TTLL6: variants seen among roughly 807,000 people sequenced by gnomAD.
TTLL6 encodes tubulin polyglutamylase TTLL6.
Under a neutral mutation model 96.4 loss-of-function variants are expected in TTLL6, and 75 were observed. The ratio of observed to expected loss-of-function variants is 0.78; its 90% CI spans 0.65 to 0.94. TTLL6 has a LOEUF of 0.94. Among genes scored for constraint, TTLL6 ranks in the 40% least tolerant of loss-of-function variants. The pLI, the probability that TTLL6 is intolerant of heterozygous loss-of-function variation, is 0.00. For synonymous variants in TTLL6, 411 were observed against 419.4 expected, an observed-to-expected ratio of 0.98 and a Z score of 0.24; for missense variants, 1,030 against 1,093.0, an observed-to-expected ratio of 0.94 and a Z score of 0.81.
At position 48,769,607 on chromosome 17, in the gene TTLL6, C is replaced by T. The variant is rs1037839951; in HGVS notation, c.2410+121G>A. ...TGTCTCCACCATCAGACTGGGGTTT[C>T]CCTGAAGACAGGGGCTGTCCCCCCT... On this transcript the variant is annotated intron_variant, in intron 14 of 15. Transcript: ENST00000393382. The T allele has an allele frequency of 5.6e-6, 7 of 1,259,288 alleles. No individual in the cohort carries two copies. The African/African-American group carries it at 6.0e-5, about 11-fold the overall frequency. The allele number at this position is 1,259,288 out of a possible 1,614,324, so 78.0% of individuals were successfully genotyped here.
chr17:48,768,425 C>A (rs891714525), intron 15 of TTLL6, among the ~76,000 whole-genome samples: 1 of 152,192 alleles, frequency 6.6e-6, no homozygotes, highest in African/African-American at 2.4e-5. Context: ...CGGGTGCCAC[C>A]ATGCCCAGCT....
chr17:48,769,036 A>G lies in TTLL6; in HGVS notation c.2629T>C (p.Tyr877His), dbSNP rs1419587784. 5.0e-6 allele frequency: 8 copies of G among 1,614,052 alleles called. No homozygotes were observed. The highest frequency in any genetic ancestry group is 6.8e-6 in the Non-Finnish European group (8 of 1,180,034). ...RDPCMQDQEAYSHCLISGQKG... is the reference protein window; with the variant it reads ...RDPCMQDQEAHSHCLISGQKG... ...TGGCCAGAGATCAGGCAATGGCTGT[A>G]TGCTTCTTGATCCTGCATACATGGG... is the stretch of plus-strand genomic sequence containing the variant. Residue 877 changes from tyrosine to histidine, a missense_variant, in exon 15 of 16, where the codon TAC becomes CAC. Physicochemically the swap from Tyr to His is moderately conservative, Grantham distance 83. Transcript: ENST00000393382.
intron 8 of TTLL6, chr17:48,794,097 GGA>G (rs2039277123): frequency 8.4e-6 from 13 of 1,549,934 alleles, no homozygotes; most frequent in Non-Finnish European, 1.1e-5. Flanking sequence ...GGCTGCTCCA[GGA>G]GAGAGTGGAT....
intron 8 of TTLL6, 114 bp from the exon 9 acceptor site, chr17:48,791,717 G>A (rs111682954): frequency 2.3e-6 from 2 of 865,654 alleles, no homozygotes; most frequent in Non-Finnish European, 3.6e-6. Context: ...AGCCAGCGAG[G>A]ATGAACGCCC....
At chr17:48,763,584 G>A (rs1303291941) in intron 15 of TTLL6, among the ~76,000 whole-genome samples, 6 of 152,046 alleles carry the variant, frequency 3.9e-5, no homozygotes, top group Non-Finnish European at 8.8e-5. Flanking sequence ...ATCACTTGAG[G>A]TCAAGAATTT....
chr17:48,801,074 A>C (rs2039402996), intron 5 of TTLL6, among the ~76,000 whole-genome samples, 181 bp downstream of exon 5: 1 of 152,220 alleles, frequency 6.6e-6, no homozygotes, highest in East Asian at 1.9e-4. Flanking sequence ...CTAATTTTAC[A>C]GGCAGAGCCT....
At chr17:48,813,316 G>A (rs1376389132) in intron 1 of TTLL6, among the ~76,000 whole-genome samples, 1 of 144,434 alleles carries the variant, frequency 6.9e-6, no homozygotes. Flanking sequence ...AGCACTTTCG[G>A]AGGCCAAGGT....
chr17:48,787,242 C>T (rs1407821341), intron 11 of TTLL6, among the ~76,000 whole-genome samples: 4 of 152,148 alleles, frequency 2.6e-5, no homozygotes, highest in East Asian at 1.9e-4. Flanking sequence ...CTGGAGTTTA[C>T]GCCTGTGTGA....
chr17:48,794,131 A>C (rs1313790433), intron 8 of TTLL6: 2 of 1,601,968 alleles, frequency 1.2e-6, no homozygotes, highest in Non-Finnish European at 1.7e-6. Context: ...GTGGGGTGAG[A>C]GGGAGATGAA....
chr17:48,804,746 C>G, intron 2 of TTLL6, 26 bp downstream of exon 2: 1 of 1,544,066 alleles, frequency 6.5e-7, no homozygotes, highest in African/African-American at 1.4e-5. Flanking sequence ...AACATGGCTC[C>G]CCATTCCCCA....
chr17:48,769,626 C>T, intron 14 of TTLL6, 102 bp downstream of exon 14: 1 of 1,399,544 alleles, frequency 7.1e-7, no homozygotes. Context: ...CAGGGGCTGT[C>T]CCCCCTCCAA....
chr17:48,796,023 G>T, intron 8 of TTLL6, 38 bp downstream of exon 8: 1 of 1,499,202 alleles, frequency 6.7e-7, no homozygotes, highest in Non-Finnish European at 9.1e-7. Flanking sequence ...TTCTGAGGTT[G>T]GTAGGGAAAG....
intron 13 of TTLL6, among the ~76,000 whole-genome samples, chr17:48,773,877 G>A (rs995196555): frequency 4.0e-5 from 6 of 151,280 alleles, no homozygotes; most frequent in African/African-American, 1.5e-4. Context: ...GGGGTCGGGA[G>A]TTCAAGACCA....
At chr17:48,807,231 C>G (rs2039518541) in intron 1 of TTLL6, among the ~76,000 whole-genome samples, 1 of 151,046 alleles carries the variant, frequency 6.6e-6, no homozygotes, top group African/African-American at 2.4e-5. Context: ...GGGATTACTA[C>G]AGGCATACAC....
At chr17:48,791,206 C>A (rs986559732) in intron 9 of TTLL6, among the ~76,000 whole-genome samples, 172 bp downstream of exon 9, 6 of 152,184 alleles carry the variant, frequency 3.9e-5, no homozygotes, top group Non-Finnish European at 7.4e-5. Context: ...CTGTCTACCC[C>A]CCTCTGGTGG....
At chr17:48,806,919 A>T (rs1483158669) in intron 1 of TTLL6, among the ~76,000 whole-genome samples, 2 of 151,478 alleles carry the variant, frequency 1.3e-5, no homozygotes, top group Non-Finnish European at 2.9e-5. Flanking sequence ...AATCCCAGCT[A>T]CTCGGCAGGC....
chr17:48,795,931 G>A, intron 8 of TTLL6, 130 bp downstream of exon 8: 2 of 680,318 alleles, frequency 2.9e-6, no homozygotes, highest in Non-Finnish European at 2.5e-6. Flanking sequence ...GCGAGGCAAA[G>A]GAGTATATTC....
chr17:48,798,011 G>A (rs964241269), intron 6 of TTLL6, among the ~76,000 whole-genome samples: 2 of 152,048 alleles, frequency 1.3e-5, no homozygotes, highest in Admixed American at 1.3e-4. Context: ...AGGAGGCTGA[G>A]GTGGAAGGAT....
chr17:48,804,726 T>C (rs757396008), intron 2 of TTLL6, 46 bp downstream of exon 2: 7 of 1,511,562 alleles, frequency 4.6e-6, no homozygotes, highest in Non-Finnish European at 5.4e-6. Context: ...AAGTCCTTCC[T>C]GTTATTACCA....
Sources: gnomAD v4.1 joint callset for allele counts (sites outside exome capture counted in the v4.1 genomes callset) on GRCh38, gnomAD v4.1.1 for gene constraint, MANE v1.5 for transcripts, NCBI Gene and HGNC (gene_info 2026-07-23, HGNC 2026-07-21) for gene names.